CTXN1: variants seen among roughly 807,000 people sequenced by gnomAD.
The protein encoded by CTXN1 is cortexin-1.
A neutral mutation model predicts 5.5 loss-of-function variants in CTXN1; 4 were observed. The observed-to-expected ratio is 0.73, with a 90% CI of 0.36 to 1.68. The LOEUF (loss-of-function observed/expected upper bound fraction) is 1.68, where lower values mean the gene tolerates loss of function less well. CTXN1 is among the 40% of genes most tolerant of loss of function. The pLI, the probability that CTXN1 is intolerant of heterozygous loss-of-function variation, is 0.05. For synonymous variants in CTXN1, 67 were observed against 62.8 expected (o/e 1.07, Z -0.32); for missense variants, 111 against 123.0 (o/e 0.90, Z 0.46).
In CTXN1 at chr19:7,926,051, C is replaced by A. The variant is rs1414868410; in HGVS notation, c.-105G>T. On this transcript the variant is annotated 5_prime_UTR_variant, in exon 1 of 2. Coordinates refer to ENST00000318978, the MANE Select transcript of CTXN1 (RefSeq NM_206833.4). ...CGCCGGCTGCGCGTTCGGCCTCTCC[C>A]CGGCGGCGGCGGCGGCGGCCCGGGC... The A allele has an allele frequency of 1.3e-5, 2 of 149,250 alleles. No homozygotes were observed. The highest frequency in any genetic ancestry group is 3.0e-5 in the Non-Finnish European group (2 of 66,828). The allele number at this position is 149,250 out of a possible 1,614,324, so 9.2% of individuals were successfully genotyped here. A position where few individuals can be genotyped will look rare whatever the true frequency, so the allele number is the denominator to read the frequency against.
At position 7,925,433 on chromosome 19, in the gene CTXN1, G is replaced by C. The variant is rs768679074; in HGVS notation, c.106C>G (p.Leu36Val). ...AEQRTVFAFV[L>V]CLLVVLVLLM... ...AGCACCAGCACCACGAGCAGGCAGAGCACGAAGGCGAACACCGTGCGCTGC... is the reference window on the plus strand; with the variant it reads ...AGCACCAGCACCACGAGCAGGCAGACCACGAAGGCGAACACCGTGCGCTGC... The change falls in exon 2 of 2, where the codon CTC becomes GTC. Residue 36 changes from leucine (L) to valine (V), a missense_variant. Leu to Val is a conservative substitution (Grantham distance 32). Coordinates refer to ENST00000318978, the MANE Select transcript of CTXN1 (RefSeq NM_206833.4). The surrounding 1 kb of genome is among the most constrained non-coding windows in gnomAD (Gnocchi z 5.0). The C allele has an allele frequency of 8.1e-5, 128 of 1,586,732 alleles. No homozygotes were observed. Among genetic ancestry groups the C allele is most frequent in the Non-Finnish European group, 1.0e-4 (121 of 1,172,084 alleles).
In CTXN1 at chr19:7,925,593, A is replaced by ATGAGGC; in HGVS notation, c.-20-41_-20-36dup. ...AGGGGACCCGCCCCGGGCGCCGGGG[A>ATGAGGC]TGAGGCTGCGCCCTCCCTCCCGCGC... On this transcript the variant is annotated intron_variant, in intron 1 of 1. Coordinates refer to ENST00000318978, the MANE Select transcript of CTXN1 (RefSeq NM_206833.4). This position sits in a 1 kb window ranked among gnomAD's most constrained non-coding sequence, Gnocchi z 5.0. 1 of 1,313,374 alleles carries ATGAGGC rather than the reference A, an allele frequency of 7.6e-7. No individual in the cohort carries two copies. The highest frequency in any genetic ancestry group is 9.6e-7 in the Non-Finnish European group (1 of 1,038,362). The allele number at this position is 1,313,374 out of a possible 1,614,324, so 81.4% of individuals were successfully genotyped here.
rs868218155 is a variant in CTXN1, at chr19:7,925,363, C to T, written c.176G>A (p.Arg59His). The T allele has an allele frequency of 6.3e-7, 1 of 1,577,546 alleles. No homozygotes were observed. Among genetic ancestry groups the T allele is most frequent in the South Asian group, 1.1e-5 (1 of 87,518 alleles). The change falls in exon 2 of 2, where the codon CGC (arginine) becomes CAC (histidine). Residue 59 changes from arginine to histidine, a missense_variant. Physicochemically the swap from Arg to His is conservative, Grantham distance 29. Transcript: ENST00000318978. This position sits in a 1 kb window ranked among gnomAD's most constrained non-coding sequence, Gnocchi z 5.0. ...GTCGGTCCAGGACGAGGCGGGCATGCGGCTGTAGGGGTCGAGCAGGATGCG... is the reference window on the plus strand; with the variant it reads ...GTCGGTCCAGGACGAGGCGGGCATGTGGCTGTAGGGGTCGAGCAGGATGCG... Reference protein sequence around the residue: ...CVRILLDPYSRMPASSWTDHK... With the variant: ...CVRILLDPYSHMPASSWTDHK...
rs764168000 is a variant in CTXN1, at chr19:7,925,351, G to A, written c.188C>T (p.Ser63Leu). The A allele has an allele frequency of 4.4e-6, 7 of 1,576,420 alleles. No homozygotes were observed. In the African/African-American group the frequency reaches 8.4e-5, roughly 19 times the overall value. Residue 63 changes from serine to leucine, a missense_variant, in exon 2 of 2, where the codon TCG becomes TTG. Coordinates refer to ENST00000318978, the MANE Select transcript of CTXN1 (RefSeq NM_206833.4). The surrounding 1 kb of genome is among the most constrained non-coding windows in gnomAD (Gnocchi z 5.0). Reference sequence around the variant, plus strand: ...CGCCTCCTTGTGGTCGGTCCAGGACGAGGCGGGCATGCGGCTGTAGGGGTC... The same window carrying A: ...CGCCTCCTTGTGGTCGGTCCAGGACAAGGCGGGCATGCGGCTGTAGGGGTC... ...LLDPYSRMPA[S>L]SWTDHKEALE...
chr19:7,925,084 C>A lies in CTXN1; in HGVS notation c.*206G>T, dbSNP rs770155741. ...GGAAGGGACAGGGCGGATAAAGGCA[C>A]GAGGTGGGGCTCCGGCCAGGCCAGG... On this transcript the variant is annotated 3_prime_UTR_variant, in exon 2 of 2. Coordinates refer to ENST00000318978, the MANE Select transcript of CTXN1 (RefSeq NM_206833.4). This position sits in a 1 kb window ranked among gnomAD's most constrained non-coding sequence, Gnocchi z 5.0. 3 of 383,482 alleles carry A rather than the reference C, an allele frequency of 7.8e-6. No homozygotes were observed. Among genetic ancestry groups the A allele is most frequent in the Non-Finnish European group, 1.4e-5 (3 of 218,474 alleles). The allele number at this position is 383,482 out of a possible 1,614,324, so 23.8% of individuals were successfully genotyped here.
chr19:7,925,263 A>T lies in CTXN1; in HGVS notation c.*27T>A. ...GGCCGGCCCTCTGAGACCCCGGCGCAGGGCCGGCTAGGGGGCGCCGCGCCC... is the reference window on the plus strand; with the variant it reads ...GGCCGGCCCTCTGAGACCCCGGCGCTGGGCCGGCTAGGGGGCGCCGCGCCC... On this transcript the variant is annotated 3_prime_UTR_variant, in exon 2 of 2. Coordinates refer to ENST00000318978, the MANE Select transcript of CTXN1 (RefSeq NM_206833.4). The surrounding 1 kb of genome is among the most constrained non-coding windows in gnomAD (Gnocchi z 5.0). 7 of 1,206,400 alleles carry T rather than the reference A, an allele frequency of 5.8e-6. No homozygotes were observed. The highest frequency in any genetic ancestry group is 7.2e-6 in the Non-Finnish European group (7 of 966,452). The allele number at this position is 1,206,400 out of a possible 1,614,324, so 74.7% of individuals were successfully genotyped here.
In CTXN1 at chr19:7,925,273, A is replaced by AG. The variant is rs1446778677; in HGVS notation, c.*16dup. 1.5e-6 allele frequency: 2 copies of AG among 1,300,818 alleles called. No homozygotes were observed. The highest frequency in any genetic ancestry group is 2.0e-6 in the Non-Finnish European group (2 of 1,020,140). The allele number at this position is 1,300,818 out of a possible 1,614,324, so 80.6% of individuals were successfully genotyped here. Reference sequence around the variant, plus strand: ...CTGAGACCCCGGCGCAGGGCCGGCTAGGGGGCGCCGCGCCCCTCACACCAA... The same window carrying AG: ...CTGAGACCCCGGCGCAGGGCCGGCTAGGGGGGCGCCGCGCCCCTCACACCAA... On this transcript the variant is annotated 3_prime_UTR_variant, in exon 2 of 2. Transcript: ENST00000318978. The surrounding 1 kb of genome is among the most constrained non-coding windows in gnomAD (Gnocchi z 5.0).
rs758958911 is a variant in CTXN1, at chr19:7,925,380, C to A, written c.159G>T (p.Leu53=). 4 of 1,583,708 alleles carry A rather than the reference C, an allele frequency of 2.5e-6. No individual in the cohort carries two copies. The East Asian group carries it at 7.1e-5, about 28-fold the overall frequency. ...CGGGCATGCGGCTGTAGGGGTCGAG[C>A]AGGATGCGCACGCAGCGCACCATCA... is the stretch of plus-strand genomic sequence containing the variant. ...VLLMVRCVRI[L]LDPYSRMPAS... is the part of the protein sequence containing the mutation. The change falls in exon 2 of 2, where the codon CTG becomes CTT. Residue 53 remains leucine, a synonymous_variant. Transcript: ENST00000318978. This position sits in a 1 kb window ranked among gnomAD's most constrained non-coding sequence, Gnocchi z 5.0.
chr19:7,925,046 A>C lies in CTXN1; in HGVS notation c.*244T>G. ...GGGGTGGGGGCCAGCCGGGCGGGTG[A>C]GATGCGCAGAGAGGAAGGGACAGGG... On this transcript the variant is annotated 3_prime_UTR_variant, in exon 2 of 2. Transcript: ENST00000318978. The surrounding 1 kb of genome is among the most constrained non-coding windows in gnomAD (Gnocchi z 5.0). 3.0e-6 allele frequency: 1 copy of C among 338,154 alleles called. No individual in the cohort carries two copies. The highest frequency in any genetic ancestry group is 5.3e-6 in the Non-Finnish European group (1 of 188,606). 20.9% of individuals were successfully genotyped at this position (338,154 alleles called of 1,614,324 possible).
chr19:7,925,779 G>T lies in CTXN1; in HGVS notation c.-21+188C>A, dbSNP rs1258149025. 6.6e-6 allele frequency among the ~76,000 whole-genome samples: 1 copy of T among 151,510 alleles called. No homozygotes were observed. The highest frequency in any genetic ancestry group is 1.5e-5 in the Non-Finnish European group (1 of 67,802). ...GACCCAACTCTGGCCGTGCGCGCAG[G>T]TGGGGGCGCTGAGAGCCGGGAAACG... On this transcript the variant is annotated intron_variant, in intron 1 of 1. Transcript: ENST00000318978. The surrounding 1 kb of genome is among the most constrained non-coding windows in gnomAD (Gnocchi z 5.0).
Position 7,925,668 on chromosome 19 carries a change from G to A in CTXN1, c.-20-110C>T, listed in dbSNP as rs1374896855. The A allele has an allele frequency of 4.2e-6, 4 of 950,438 alleles. No homozygotes were observed. The highest frequency in any genetic ancestry group is 4.5e-5 in the Admixed American group (1 of 22,462). The allele number at this position is 950,438 out of a possible 1,614,324, so 58.9% of individuals were successfully genotyped here. A position where few individuals can be genotyped will look rare whatever the true frequency, so the allele number is the denominator to read the frequency against. The stretch of plus-strand genomic sequence containing the variant: ...CGCCGCCGCCGCCGCCTCCCTTAAC[G>A]TGCCCGACCCCATCCCCCGCCCGCG... On this transcript the variant is annotated intron_variant, in intron 1 of 1. Coordinates refer to ENST00000318978, the MANE Select transcript of CTXN1 (RefSeq NM_206833.4). This position sits in a 1 kb window ranked among gnomAD's most constrained non-coding sequence, Gnocchi z 5.0.
In CTXN1 at chr19:7,925,843, A is replaced by C; in HGVS notation, c.-21+124T>G. On this transcript the variant is annotated intron_variant, in intron 1 of 1. Coordinates refer to ENST00000318978, the MANE Select transcript of CTXN1 (RefSeq NM_206833.4). The surrounding 1 kb of genome is among the most constrained non-coding windows in gnomAD (Gnocchi z 5.0). The stretch of plus-strand genomic sequence containing the variant: ...CCTGGGCCGCACACAACAGGTGCGA[A>C]AGCGCGGCCGCGGCCCGGGCGCGCG... The C allele has an allele frequency of 1.4e-5, 3 of 207,506 alleles. No individual in the cohort carries two copies. The highest frequency in any genetic ancestry group is 2.9e-5 in the Non-Finnish European group (3 of 104,878). 12.9% of individuals were successfully genotyped at this position (207,506 alleles called of 1,614,324 possible). A position where few individuals can be genotyped will look rare whatever the true frequency, so the allele number is the denominator to read the frequency against.
chr19:7,925,650 G>A lies in CTXN1; in HGVS notation c.-20-92C>T, dbSNP rs1367729186. The stretch of plus-strand genomic sequence containing the variant: ...CGCTTCGCCCCCTCCTGCCGCCGCC[G>A]CCGCCGCCTCCCTTAACGTGCCCGA... On this transcript the variant is annotated intron_variant, in intron 1 of 1. Transcript: ENST00000318978. This position sits in a 1 kb window ranked among gnomAD's most constrained non-coding sequence, Gnocchi z 5.0. The A allele has an allele frequency of 5.0e-5, 55 of 1,103,924 alleles. No individual in the cohort carries two copies. Among genetic ancestry groups the A allele is most frequent in the Non-Finnish European group, 5.7e-5 (49 of 864,802 alleles). 68.4% of individuals were successfully genotyped at this position (1,103,924 alleles called of 1,614,324 possible). A position where few individuals can be genotyped will look rare whatever the true frequency, so the allele number is the denominator to read the frequency against.
In CTXN1 at chr19:7,925,422, G is replaced by C. The variant is rs376165674; in HGVS notation, c.117C>G (p.Leu39=). The change falls in exon 2 of 2, where the codon CTC becomes CTG. Residue 39 remains leucine, a synonymous_variant. Coordinates refer to ENST00000318978, the MANE Select transcript of CTXN1 (RefSeq NM_206833.4). This position sits in a 1 kb window ranked among gnomAD's most constrained non-coding sequence, Gnocchi z 5.0. Reference sequence around the variant, plus strand: ...GCACCATCAACAGCACCAGCACCACGAGCAGGCAGAGCACGAAGGCGAACA... The same window carrying C: ...GCACCATCAACAGCACCAGCACCACCAGCAGGCAGAGCACGAAGGCGAACA... ...RTVFAFVLCL[L]VVLVLLMVRC... The C allele has an allele frequency of 5.5e-5, 88 of 1,587,982 alleles. 1 individual carries two copies. The highest frequency in any genetic ancestry group is 4.2e-4 in the East Asian group (18 of 42,836).
Position 7,925,233 on chromosome 19 carries a change from C to A in CTXN1, c.*57G>T. On this transcript the variant is annotated 3_prime_UTR_variant, in exon 2 of 2. Coordinates refer to ENST00000318978, the MANE Select transcript of CTXN1 (RefSeq NM_206833.4). This position sits in a 1 kb window ranked among gnomAD's most constrained non-coding sequence, Gnocchi z 5.0. ...GCAGTCCTGGCCCCGCGGCGCCCCC[C>A]GCCGGGCCGGCCCTCTGAGACCCCG... is the stretch of plus-strand genomic sequence containing the variant. 1.6e-6 allele frequency: 2 copies of A among 1,245,294 alleles called. No homozygotes were observed. Among genetic ancestry groups the A allele is most frequent in the South Asian group, 6.2e-5 (2 of 32,032 alleles). 77.1% of individuals were successfully genotyped at this position (1,245,294 alleles called of 1,614,324 possible). A position where few individuals can be genotyped will look rare whatever the true frequency, so the allele number is the denominator to read the frequency against.
In CTXN1 at chr19:7,925,649, C is replaced by T. The variant is rs1346551633; in HGVS notation, c.-20-91G>A. ...CCGCTTCGCCCCCTCCTGCCGCCGC[C>T]GCCGCCGCCTCCCTTAACGTGCCCG... On this transcript the variant is annotated intron_variant, in intron 1 of 1. Transcript: ENST00000318978. The surrounding 1 kb of genome is among the most constrained non-coding windows in gnomAD (Gnocchi z 5.0). 1.8e-6 allele frequency: 2 copies of T among 1,111,050 alleles called. No homozygotes were observed. The highest frequency in any genetic ancestry group is 3.3e-5 in the African/African-American group (2 of 60,598). The allele number at this position is 1,111,050 out of a possible 1,614,324, so 68.8% of individuals were successfully genotyped here.
Position 7,925,228 on chromosome 19 carries a change from C to T in CTXN1, c.*62G>A, listed in dbSNP as rs1046581381. 70 of 1,215,710 alleles carry T rather than the reference C, an allele frequency of 5.8e-5. No individual in the cohort carries two copies. Among genetic ancestry groups the T allele is most frequent in the Non-Finnish European group, 6.6e-5 (64 of 968,990 alleles). The allele number at this position is 1,215,710 out of a possible 1,614,324, so 75.3% of individuals were successfully genotyped here. A position where few individuals can be genotyped will look rare whatever the true frequency, so the allele number is the denominator to read the frequency against. On this transcript the variant is annotated 3_prime_UTR_variant, in exon 2 of 2. Transcript: ENST00000318978. This position sits in a 1 kb window ranked among gnomAD's most constrained non-coding sequence, Gnocchi z 5.0. ...TGAGCGCAGTCCTGGCCCCGCGGCG[C>T]CCCCCGCCGGGCCGGCCCTCTGAGA...
In CTXN1 at chr19:7,925,719, C is replaced by T. The variant is rs977015047; in HGVS notation, c.-20-161G>A. ...CCTCGGTCCCCGGGCTACGCCCATG[C>T]CCGGCCCGCCGGATCGCCGCCACCA... On this transcript the variant is annotated intron_variant, in intron 1 of 1. Coordinates refer to ENST00000318978, the MANE Select transcript of CTXN1 (RefSeq NM_206833.4). The surrounding 1 kb of genome is among the most constrained non-coding windows in gnomAD (Gnocchi z 5.0). Among the ~76,000 whole-genome samples, 3 of 151,508 alleles carry T rather than the reference C, an allele frequency of 2.0e-5. No homozygotes were observed. Among genetic ancestry groups the T allele is most frequent in the African/African-American group, 7.3e-5 (3 of 41,360 alleles).
Position 7,925,543 on chromosome 19 carries a change from C to T in CTXN1, c.-5G>A. On this transcript the variant is annotated 5_prime_UTR_variant, in exon 2 of 2. An upstream open reading frame in the 5' UTR loses its in-frame stop. Coordinates refer to ENST00000318978, the MANE Select transcript of CTXN1 (RefSeq NM_206833.4). This position sits in a 1 kb window ranked among gnomAD's most constrained non-coding sequence, Gnocchi z 5.0. The stretch of plus-strand genomic sequence containing the variant: ...CAGCGTCCACGTCGCGCTCATGGCT[C>T]ACATCGCCGCGCGCCCTGCGGAGGA... The T allele has an allele frequency of 7.1e-7, 1 of 1,401,548 alleles. No individual in the cohort carries two copies. The highest frequency in any genetic ancestry group is 9.2e-7 in the Non-Finnish European group (1 of 1,081,932). 86.8% of individuals were successfully genotyped at this position (1,401,548 alleles called of 1,614,324 possible). A position where few individuals can be genotyped will look rare whatever the true frequency, so the allele number is the denominator to read the frequency against.
Sources: gnomAD v4.1 joint callset for allele counts (sites outside exome capture counted in the v4.1 genomes callset) on GRCh38, gnomAD v4.1.1 for gene constraint, Gnocchi (gnomAD v3.1) non-coding constraint, MANE v1.5 for transcripts, NCBI Gene and HGNC (gene_info 2026-07-23, HGNC 2026-07-21) for gene names.